HARBI1: variants seen among roughly 807,000 people sequenced by gnomAD.
HARBI1 encodes the protein putative nuclease HARBI1.
HARBI1 carries 15 observed loss-of-function variants against 25.3 expected under a neutral mutation model. The observed-to-expected ratio is 0.59, with a 90% confidence interval of 0.40 to 0.91. HARBI1 has a LOEUF of 0.91. Among genes scored for constraint, HARBI1 ranks in the 40% least tolerant of loss-of-function variants. The probability of loss-of-function intolerance (pLI) is 0.00; values close to 1 mark genes in which losing one functional copy is unlikely to be tolerated. For missense variants in HARBI1, 396 were observed against 445.8 expected (o/e 0.89, Z 1.01); for synonymous variants, 168 against 160.5 (o/e 1.05, Z -0.35).
At position 46,615,852 on chromosome 11, in the gene HARBI1, T is replaced by G. The variant is rs756846129; in HGVS notation, c.386A>C (p.Gln129Pro). The G allele has an allele frequency of 1.2e-6, 2 of 1,614,214 alleles. No homozygotes were observed. The highest frequency in any genetic ancestry group is 1.7e-6 in the Non-Finnish European group (2 of 1,180,042). The change falls in exon 2 of 3, where the codon CAG becomes CCG. Residue 129 changes from glutamine to proline, a missense_variant. Physicochemically the swap from Gln to Pro is moderately conservative, Grantham distance 76. Transcript: ENST00000326737. ...IRFPADEASI[Q>P]ALKDEFYGLA... ...CCCATAGAATTCATCCTTCAGAGCC[T>G]GAATGGAGGCTTCATCAGCTGGAAA...
At chr11:46,613,344 A>G (rs2045256832) in intron 2 of HARBI1, among the ~76,000 whole-genome samples, 3 of 152,126 alleles carry the variant, frequency 2.0e-5, no homozygotes. Flanking sequence ...CCTAATCCCC[A>G]CAATAGATAT....
upstream of HARBI1, chr11:46,617,444 G>A: frequency 5.4e-6 from 1 of 186,066 alleles, no homozygotes; most frequent in Non-Finnish European, 1.1e-5. Context: ...AACTTTTATG[G>A]ATATTTTGAG....
intron 2 of HARBI1, among the ~76,000 whole-genome samples, chr11:46,606,818 C>T (rs1326850658): frequency 6.6e-6 from 1 of 152,098 alleles, no homozygotes; most frequent in Non-Finnish European, 1.5e-5. Flanking sequence ...AATTTTTAAA[C>T]TTTTTGTAGA....
At chr11:46,605,903 G>GT (rs1291602998) in intron 2 of HARBI1, among the ~76,000 whole-genome samples, 1 of 148,610 alleles carries the variant, frequency 6.7e-6, no homozygotes, top group South Asian at 2.1e-4. Flanking sequence ...TTGTTTGTTT[G>GT]TTTTTTTGAG....
chr11:46,608,594 C>G (rs990122974), intron 2 of HARBI1, among the ~76,000 whole-genome samples: 1 of 151,822 alleles, frequency 6.6e-6, no homozygotes. Context: ...TACAGGCACA[C>G]GCCACCATGC....
chr11:46,616,998 G>A, intron 1 of HARBI1, 126 bp downstream of exon 1: 2 of 985,444 alleles, frequency 2.0e-6, no homozygotes, highest in African/African-American at 1.7e-5. Context: ...TGGAAGTCGG[G>A]AGCGAAAAAG....
intron 2 of HARBI1, among the ~76,000 whole-genome samples, chr11:46,606,444 C>G (rs1021869815): frequency 5.3e-5 from 8 of 151,442 alleles, no homozygotes; most frequent in Non-Finnish European, 1.2e-4. Context: ...TCCTGAGTAG[C>G]TGGGACTACA....
chr11:46,613,431 G>A (rs1381585244), intron 2 of HARBI1, among the ~76,000 whole-genome samples: 6 of 151,126 alleles, frequency 4.0e-5, no homozygotes, highest in Non-Finnish European at 8.8e-5. Flanking sequence ...CAATTGTATG[G>A]ATGTACAATA....
At chr11:46,613,860 A>G (rs970516330) in intron 2 of HARBI1, among the ~76,000 whole-genome samples, 1 of 151,522 alleles carries the variant, frequency 6.6e-6, no homozygotes, top group African/African-American at 2.4e-5. Flanking sequence ...TCTGAGAGAC[A>G]TTGTCTCGCT....
rs537211355 is a variant in HARBI1 at position 46,605,351 on chromosome 11, C to T, written c.671-1442G>A. On this transcript the variant is annotated intron_variant, in intron 2 of 2. Coordinates refer to ENST00000326737, the MANE Select transcript of HARBI1 (RefSeq NM_173811.4). ...CCGAATATCTGGGACCACAGGCATG[C>T]GCCACCATGCCTGGCAAAATTTTTA... 2.8e-4 allele frequency among the ~76,000 whole-genome samples: 43 copies of T among 152,110 alleles called. No individual in the cohort carries two copies. The South Asian group carries it at 4.6e-3, about 16-fold the overall frequency.
Position 46,615,998 on chromosome 11 carries a change from A to G in HARBI1, c.240T>C (p.Tyr80=). 1.2e-6 allele frequency: 2 copies of G among 1,614,232 alleles called. No homozygotes were observed. Among genetic ancestry groups the G allele is most frequent in the South Asian group, 2.2e-5 (2 of 91,090 alleles). ...TCCGAGTCTGGAAGGAACCTGAGGT[A>G]TAAAAACCCAATGCTGCAAGGACCT... The part of the protein sequence containing the change: ...ETQVLAALGF[Y]TSGSFQTRMG... Residue 80 remains tyrosine (Y), a synonymous_variant, in exon 2 of 3, where the codon TAT becomes TAC. Transcript: ENST00000326737.
intron 1 of HARBI1, 188 bp downstream of exon 1, chr11:46,616,936 G>T: frequency 4.1e-6 from 4 of 973,180 alleles, no homozygotes; most frequent in Non-Finnish European, 3.6e-6. Flanking sequence ...CTCACTCCAA[G>T]AACTCCAAAT....
intron 1 of HARBI1, 128 bp downstream of exon 1, chr11:46,616,996 G>C (rs2045581583): frequency 1.0e-6 from 1 of 985,418 alleles, no homozygotes; most frequent in Non-Finnish European, 1.2e-6. Context: ...ATTGGAAGTC[G>C]GGAGCGAAAA....
chr11:46,616,472 A>G, intron 1 of HARBI1, 91 bp from the exon 2 acceptor site: 3 of 1,344,766 alleles, frequency 2.2e-6, no homozygotes, highest in Non-Finnish European at 1.9e-6. Context: ...ACAAATTTCC[A>G]TTTTGTTGAG....
At chr11:46,604,764 T>C in intron 2 of HARBI1, 11 of 926,198 alleles carry the variant, frequency 1.2e-5, no homozygotes, top group Non-Finnish European at 1.4e-5. Flanking sequence ...ACTAGAACCA[T>C]GCCTTTGTAA....
In HARBI1 at chr11:46,615,503, G is replaced by A. The variant is rs189678904; in HGVS notation, c.670+65C>T. 5.5e-4 allele frequency: 762 copies of A among 1,377,044 alleles called. 4 individuals are homozygous for A. In the African/African-American group the frequency reaches 9.0e-3, roughly 16 times the overall value. The allele number at this position is 1,377,044 out of a possible 1,614,324, so 85.3% of individuals were successfully genotyped here. A position where few individuals can be genotyped will look rare whatever the true frequency, so the allele number is the denominator to read the frequency against. ...AAGTGCTGGGGTTGTGTGAGCCACC[G>A]CCCCCAGCCTACATAACTTTTCTAT... On this transcript the variant is annotated intron_variant, in intron 2 of 2. Transcript: ENST00000326737.
At chr11:46,608,787 G>A (rs1051007631) in intron 2 of HARBI1, among the ~76,000 whole-genome samples, 3 of 149,244 alleles carry the variant, frequency 2.0e-5, no homozygotes, top group African/African-American at 7.4e-5. Context: ...GGCTAATTTT[G>A]TATTTTTAGT....
chr11:46,603,426 A>G lies in HARBI1; in HGVS notation c.*104T>C. ...TATTAAATGTCAGTTTATGACAAGT[A>G]TCTGTATACTCAGTCATGCTAGATG... is the stretch of plus-strand genomic sequence containing the variant. On this transcript the variant is annotated 3_prime_UTR_variant, in exon 3 of 3. Coordinates refer to ENST00000326737, the MANE Select transcript of HARBI1 (RefSeq NM_173811.4). 2 of 1,003,888 alleles carry G rather than the reference A, an allele frequency of 2.0e-6. No homozygotes were observed. The highest frequency in any genetic ancestry group is 1.5e-6 in the Non-Finnish European group (1 of 672,400). The allele number at this position is 1,003,888 out of a possible 1,614,324, so 62.2% of individuals were successfully genotyped here.
chr11:46,612,814 G>A (rs1467045936), intron 2 of HARBI1, among the ~76,000 whole-genome samples: 1 of 150,704 alleles, frequency 6.6e-6, no homozygotes, highest in African/African-American at 2.4e-5. Context: ...GAGATTATAG[G>A]TGCCTGCCAC....
Sources: gnomAD v4.1 joint callset for allele counts (sites outside exome capture counted in the v4.1 genomes callset) on GRCh38, gnomAD v4.1.1 for gene constraint, MANE v1.5 for transcripts, NCBI Gene and HGNC (gene_info 2026-07-23, HGNC 2026-07-21) for gene names.